The following DDX46 variants were observed in gnomAD, a reference collection of about 807,000 sequenced individuals.
The protein encoded by DDX46 is probable ATP-dependent RNA helicase DDX46.
In DDX46, 30 loss-of-function variants were observed where a neutral mutation model predicts 134.9. That is an observed-to-expected ratio of 0.22 (90% CI 0.17 to 0.30). DDX46 has a LOEUF of 0.30. Among genes scored for constraint, DDX46 ranks in the 10% least tolerant of loss-of-function variants. DDX46 has a pLI of 1.00. For missense variants in DDX46, 622 were observed against 1,248.7 expected (o/e 0.50, Z 7.56); for synonymous variants, 415 against 404.1 (o/e 1.03, Z -0.32).
chr5:134,781,045 G>GA (rs1754137387), intron 6 of DDX46, 88 bp from the exon 7 acceptor site: 3 of 918,158 alleles, frequency 3.3e-6, no homozygotes, highest in Non-Finnish European at 3.2e-6. Flanking sequence ...AACTAAAGAT[G>GA]AAATTGTGTC....
In DDX46 at chr5:134,790,569, T is replaced by C. The variant is rs774092506; in HGVS notation, c.1626+17T>C. The stretch of plus-strand genomic sequence containing the variant: ...GAACCCCAGGTAATCATTAAATTTC[T>C]TAAGTGTTTTGAAATGTAAATATAA... On this transcript the variant is annotated intron_variant, in intron 13 of 22. Coordinates refer to ENST00000452510, the MANE Select transcript of DDX46 (RefSeq NM_001300860.2). The C allele has an allele frequency of 6.3e-6, 10 of 1,596,330 alleles. No homozygotes were observed. The African/African-American group carries it at 1.3e-4, about 22-fold the overall frequency.
intron 18 of DDX46, among the ~76,000 whole-genome samples, chr5:134,813,705 A>G (rs1256511205): frequency 6.6e-6 from 1 of 152,072 alleles, no homozygotes; most frequent in East Asian, 1.9e-4. Context: ...AACTCAACTC[A>G]CTGCTGCCTC....
chr5:134,823,566 A>C (rs1755514053), intron 21 of DDX46, among the ~76,000 whole-genome samples: 1 of 152,120 alleles, frequency 6.6e-6, no homozygotes, highest in Non-Finnish European at 1.5e-5. Flanking sequence ...TTTTTTCTTC[A>C]TGTTTGTGAC....
In DDX46 at chr5:134,815,706, C is replaced by CAAAAAA. The variant is rs374562980; in HGVS notation, c.2437-703_2437-698dup. On this transcript the variant is annotated intron_variant, in intron 18 of 22. Coordinates refer to ENST00000452510, the MANE Select transcript of DDX46 (RefSeq NM_001300860.2). ...TGGGAGACAGAGCGAGACTCTGTCT[C>CAAAAAA]AAAAAAAAAAAAAAAAAAAAAAAAA... is the stretch of plus-strand genomic sequence containing the variant. Among the ~76,000 whole-genome samples the CAAAAAA allele has an allele frequency of 1.9e-3, 55 of 28,690 alleles. 1 individual carries two copies. Among genetic ancestry groups the CAAAAAA allele is most frequent in the African/African-American group, 5.6e-3 (54 of 9,716 alleles). The allele number at this position is 28,690 out of a possible 152,430, so 18.8% of individuals were successfully genotyped here.
At chr5:134,797,756 A>C (rs974060341) in intron 15 of DDX46, among the ~76,000 whole-genome samples, 3 of 152,316 alleles carry the variant, frequency 2.0e-5, no homozygotes, top group Middle Eastern at 3.4e-3. Flanking sequence ...TATGGGATGA[A>C]ATTAAAGGGG....
At chr5:134,759,949 C>T (rs1294572412) in intron 1 of DDX46, among the ~76,000 whole-genome samples, 1 of 152,210 alleles carries the variant, frequency 6.6e-6, no homozygotes, top group African/African-American at 2.4e-5. Flanking sequence ...TCACTACCCA[C>T]AGCCTGTTAG....
intron 14 of DDX46, among the ~76,000 whole-genome samples, 199 bp downstream of exon 14, chr5:134,795,213 T>G (rs1434083761): frequency 7.0e-6 from 1 of 143,296 alleles, no homozygotes; most frequent in African/African-American, 2.6e-5. Flanking sequence ...TGTTTTTTTT[T>G]TTTTTTGTTT....
intron 15 of DDX46, among the ~76,000 whole-genome samples, chr5:134,805,357 G>A (rs886964787): frequency 2.6e-5 from 4 of 151,784 alleles, no homozygotes; most frequent in Admixed American, 6.6e-5. Flanking sequence ...TAGTAGAGAC[G>A]GAGTTTCACC....
At chr5:134,788,693 C>A in intron 12 of DDX46, 102 bp downstream of exon 12, 1 of 1,058,302 alleles carries the variant, frequency 9.4e-7, no homozygotes, top group Non-Finnish European at 1.4e-6. Context: ...TATATTTCTT[C>A]TTAAAGCTGC....
At chr5:134,788,660 G>A (rs1754414190) in intron 12 of DDX46, 69 bp downstream of exon 12, 2 of 1,356,908 alleles carry the variant, frequency 1.5e-6, no homozygotes, top group Non-Finnish European at 2.1e-6. Flanking sequence ...TAAAACAGAT[G>A]CAAGAAACCA....
intron 15 of DDX46, among the ~76,000 whole-genome samples, chr5:134,798,285 G>A (rs533395925): frequency 2.0e-5 from 3 of 150,550 alleles, no homozygotes; most frequent in African/African-American, 4.9e-5. Context: ...TCTGCTTCCC[G>A]CCTCCTGGGT....
chr5:134,761,414 A>G (rs941664920), intron 1 of DDX46, among the ~76,000 whole-genome samples: 2 of 152,188 alleles, frequency 1.3e-5, no homozygotes, highest in Non-Finnish European at 2.9e-5. Flanking sequence ...GGAAGTTGGT[A>G]CGATTAATCG....
At chr5:134,818,742 G>C (rs902261859) in intron 20 of DDX46, 118 bp from the exon 21 acceptor site, 30 of 682,086 alleles carry the variant, frequency 4.4e-5, no homozygotes, top group Non-Finnish European at 6.5e-5. Context: ...TATGGAGAGA[G>C]AGAGAGAGAG....
At chr5:134,828,569 G>A (rs928804257) in intron 22 of DDX46, 90 bp from the exon 23 acceptor site, 3 of 792,984 alleles carry the variant, frequency 3.8e-6, no homozygotes, top group African/African-American at 3.7e-5. Context: ...TTCCTTTTGG[G>A]TTTGTTTGGT....
chr5:134,777,610 G>A lies in DDX46; in HGVS notation c.650G>A (p.Gly217Glu). ...GATCCTGCAGAAGCTGAAAAGGAGG[G>A]AAATGAAATGGAGGGTGAGGAGTTA... Reference protein sequence around the residue: ...EDDPAEAEKEGNEMEGEELDP... With the variant: ...EDDPAEAEKEENEMEGEELDP... The change falls in exon 6 of 23, where the codon GGA becomes GAA. Residue 217 changes from glycine (G) to glutamate (E), a missense_variant. Gly to Glu is a moderately conservative substitution (Grantham distance 98). This residue lies in a region of DDX46 where 244 missense variants were observed against 349.3 expected (regional missense o/e 0.70). Transcript: ENST00000452510. 6.2e-7 allele frequency: 1 copy of A among 1,613,500 alleles called. No homozygotes were observed. The highest frequency in any genetic ancestry group is 8.5e-7 in the Non-Finnish European group (1 of 1,179,912).
intron 6 of DDX46, among the ~76,000 whole-genome samples, chr5:134,780,098 A>ATGTGTGTGTGTGTGTGTGTGTG (rs71583216): frequency 2.1e-5 from 3 of 139,578 alleles, no homozygotes; most frequent in Middle Eastern, 3.5e-3. Context: ...AAAAAAATAT[A>ATGTGTGTGTGTGTGTGTGTGTG]TGTGTGTGTG....
At chr5:134,762,727 C>CT (rs1161555541) in intron 1 of DDX46, among the ~76,000 whole-genome samples, 1 of 149,992 alleles carries the variant, frequency 6.7e-6, no homozygotes, top group East Asian at 2.0e-4. Flanking sequence ...GAGTGCGACT[C>CT]TGTCTCAAAA....
rs1458611633 is a variant in DDX46, at chr5:134,758,825, T to C, written c.-114T>C. 2.0e-6 allele frequency: 3 copies of C among 1,518,240 alleles called. No homozygotes were observed. Among genetic ancestry groups the C allele is most frequent in the African/African-American group, 2.7e-5 (2 of 72,958 alleles). The allele number at this position is 1,518,240 out of a possible 1,614,324, so 94.0% of individuals were successfully genotyped here. ...GGATGGCCGCCACAGCTGTAGGTGC[T>C]GCTAGTGTTTAGCGCTGGTCTTTGC... On this transcript the variant is annotated 5_prime_UTR_variant, in exon 1 of 23. Transcript: ENST00000452510.
chr5:134,814,776 T>G, intron 18 of DDX46, among the ~76,000 whole-genome samples: 1 of 152,152 alleles, frequency 6.6e-6, no homozygotes, highest in Non-Finnish European at 1.5e-5. Flanking sequence ...CCACCATGCC[T>G]GGGTAACTTT....
Sources: gnomAD v4.1 joint callset for allele counts (sites outside exome capture counted in the v4.1 genomes callset) on GRCh38, gnomAD v4.1.1 for gene constraint, gnomAD v4.1.1 regional missense constraint, MANE v1.5 for transcripts, NCBI Gene and HGNC (gene_info 2026-07-23, HGNC 2026-07-21) for gene names.